TTC7B: variants seen among roughly 807,000 people sequenced by gnomAD.
The protein encoded by TTC7B is tetratricopeptide repeat protein 7B.
TTC7B carries 28 observed loss-of-function variants against 106.8 expected under a neutral mutation model. The observed-to-expected ratio is 0.26, with a 90% CI of 0.19 to 0.36. The LOEUF (loss-of-function observed/expected upper bound fraction) is 0.36, where lower values mean the gene tolerates loss of function less well. TTC7B is among the 10% of genes least tolerant of loss of function. TTC7B has a pLI of 1.00. For synonymous variants in TTC7B, 405 were observed against 430.6 expected (o/e 0.94, Z 0.74); for missense variants, 862 against 1,076.4 (o/e 0.80, Z 2.79).
intron 19 of TTC7B, among the ~76,000 whole-genome samples, chr14:90,561,331 C>T (rs970300023): frequency 3.3e-5 from 5 of 152,192 alleles, no homozygotes; most frequent in Non-Finnish European, 7.3e-5. Flanking sequence ...GCATACTGTA[C>T]ATGTGTGCAC....
intron 10 of TTC7B, chr14:90,658,005 T>G: frequency 2.6e-6 from 1 of 379,942 alleles, no homozygotes; most frequent in Non-Finnish European, 4.9e-6. Context: ...AACTCTCAGA[T>G]GAGTGGAGGT....
chr14:90,639,091 A>C (rs914879719), intron 15 of TTC7B, among the ~76,000 whole-genome samples: 1 of 152,202 alleles, frequency 6.6e-6, no homozygotes, highest in African/African-American at 2.4e-5. Context: ...AAGATAGCAC[A>C]AGAGAGCTTT....
intron 19 of TTC7B, among the ~76,000 whole-genome samples, chr14:90,555,261 A>G (rs1046994947): frequency 1.3e-5 from 2 of 152,186 alleles, no homozygotes; most frequent in Non-Finnish European, 2.9e-5. Flanking sequence ...AGCTCCGAGG[A>G]CATGAGAGTG....
chr14:90,634,482 G>A (rs576853285), intron 15 of TTC7B, among the ~76,000 whole-genome samples: 2 of 152,124 alleles, frequency 1.3e-5, no homozygotes, highest in South Asian at 2.1e-4. Context: ...TATATAAGAA[G>A]AGAGGGAGGC....
At chr14:90,556,118 A>T (rs1890293548) in intron 19 of TTC7B, among the ~76,000 whole-genome samples, 1 of 152,228 alleles carries the variant, frequency 6.6e-6, no homozygotes, top group African/African-American at 2.4e-5. Flanking sequence ...ACGTAACATC[A>T]AAGGACAGTC....
chr14:90,788,914 G>T (rs12882023), intron 1 of TTC7B, among the ~76,000 whole-genome samples: 2 of 151,158 alleles, frequency 1.3e-5, no homozygotes, highest in African/African-American at 4.9e-5. Flanking sequence ...AGTGAGCCAA[G>T]ATCATGCCAC....
At position 90,811,950 on chromosome 14, in the gene TTC7B, G is replaced by A. The variant is rs142868112; in HGVS notation, c.121+4225C>T. Among the ~76,000 whole-genome samples the A allele has an allele frequency of 3.3e-3, 501 of 152,266 alleles. 6 individuals are homozygous for A. The highest frequency in any genetic ancestry group is 0.011 in the African/African-American group (471 of 41,558). ...ATTGCAATAGGTGGGAGTCTTGACC[G>A]GGCACTAGCTCAACTGTGTCATTTC... is the stretch of plus-strand genomic sequence containing the variant. On this transcript the variant is annotated intron_variant, in intron 1 of 19. Coordinates refer to ENST00000328459, the MANE Select transcript of TTC7B (RefSeq NM_001010854.2).
chr14:90,816,150 C>A, intron 1 of TTC7B, 25 bp downstream of exon 1: 1 of 1,191,852 alleles, frequency 8.4e-7, no homozygotes. Context: ...CCCCCGCAGC[C>A]CAGGCCGGCG....
chr14:90,796,910 C>T (rs2029910261), intron 1 of TTC7B, among the ~76,000 whole-genome samples: 1 of 151,110 alleles, frequency 6.6e-6, no homozygotes, highest in Non-Finnish European at 1.5e-5. Flanking sequence ...TGCAGTGGCA[C>T]AATCTCAGCC....
At chr14:90,726,109 A>G (rs921344033) in intron 5 of TTC7B, among the ~76,000 whole-genome samples, 1 of 152,186 alleles carries the variant, frequency 6.6e-6, no homozygotes, top group African/African-American at 2.4e-5. Flanking sequence ...TTGACTCTAC[A>G]AAGAGGTAAA....
At chr14:90,725,460 G>T (rs981966646) in intron 5 of TTC7B, among the ~76,000 whole-genome samples, 2 of 152,232 alleles carry the variant, frequency 1.3e-5, no homozygotes, top group African/African-American at 4.8e-5. Flanking sequence ...GTTACACTGA[G>T]CAGGGCTAAA....
Position 90,539,216 on chromosome 14 carries a change from C to T in TTC7B, c.*2152G>A, listed in dbSNP as rs17126875. ...GGAGATGAAGACAATGGAGAGGTGC[C>T]GGGCAGACACACAGGAGCCAGCCCC... On this transcript the variant is annotated 3_prime_UTR_variant, in exon 20 of 20. Coordinates refer to ENST00000328459, the MANE Select transcript of TTC7B (RefSeq NM_001010854.2). 0.047 allele frequency: 7,148 copies of T among 152,500 alleles called. 253 individuals are homozygous for T. Among genetic ancestry groups the T allele is most frequent in the Non-Finnish European group, 0.072 (4,926 of 68,230 alleles). 9.4% of individuals were successfully genotyped at this position (152,500 alleles called of 1,614,324 possible).
intron 14 of TTC7B, chr14:90,644,860 T>C (rs1300582766): frequency 6.6e-6 from 1 of 152,208 alleles, no homozygotes; most frequent in Admixed American, 6.5e-5. Context: ...GAGAAACAAA[T>C]TGCAATGCCG....
rs555970336 is a variant in TTC7B at position 90,578,615 on chromosome 14, G to A, written c.2108-307C>T. 6.6e-6 allele frequency among the ~76,000 whole-genome samples: 1 copy of A among 152,014 alleles called. No homozygotes were observed. The highest frequency in any genetic ancestry group is 1.5e-5 in the Non-Finnish European group (1 of 68,016). ...CACCCACCCTCAGGGCCCACCCGGG[G>A]CTCCTCAGTGTCTGGACAGAGGCTG... On this transcript the variant is annotated intron_variant, in intron 18 of 19. Transcript: ENST00000328459. This position sits in a 1 kb window ranked among gnomAD's most constrained non-coding sequence, Gnocchi z 4.7.
rs1261807903 is a variant in TTC7B, at chr14:90,531,836, T to C, written c.*9532A>G. The C allele has an allele frequency of 6.6e-6, 1 of 152,186 alleles. No individual in the cohort carries two copies. Among genetic ancestry groups the C allele is most frequent in the African/African-American group, 2.4e-5 (1 of 41,432 alleles). The allele number at this position is 152,186 out of a possible 1,614,324, so 9.4% of individuals were successfully genotyped here. A position where few individuals can be genotyped will look rare whatever the true frequency, so the allele number is the denominator to read the frequency against. Reference sequence around the variant, plus strand: ...AATCTGAAAACACTGGACTGAAAAGTCTCATTGTGTCTGAGCTCTGCCCCT... The same window carrying C: ...AATCTGAAAACACTGGACTGAAAAGCCTCATTGTGTCTGAGCTCTGCCCCT... On this transcript the variant is annotated 3_prime_UTR_variant, in exon 20 of 20. Coordinates refer to ENST00000328459, the MANE Select transcript of TTC7B (RefSeq NM_001010854.2).
intron 6 of TTC7B, among the ~76,000 whole-genome samples, chr14:90,689,926 G>A (rs1188364142): frequency 1.3e-5 from 2 of 152,122 alleles, no homozygotes; most frequent in East Asian, 1.9e-4. Flanking sequence ...CACTTAAAAG[G>A]TTCATGTACT....
intron 3 of TTC7B, among the ~76,000 whole-genome samples, chr14:90,751,689 CAA>C (rs774096422): frequency 3.9e-5 from 6 of 152,084 alleles, no homozygotes; most frequent in Admixed American, 2.0e-4. Context: ...CTTGGCCTCC[CAA>C]AGTGTTGGGA....
At chr14:90,719,419 C>G (rs761687199) in intron 5 of TTC7B, among the ~76,000 whole-genome samples, 19 of 152,210 alleles carry the variant, frequency 1.2e-4, no homozygotes, top group Non-Finnish European at 2.5e-4. Context: ...TAACTTGCAG[C>G]CAGACTGGGA....
chr14:90,815,208 C>CGGTGTGCT (rs1033183967), intron 1 of TTC7B, among the ~76,000 whole-genome samples: 2 of 152,196 alleles, frequency 1.3e-5, no homozygotes, highest in Admixed American at 1.3e-4. Flanking sequence ...CCTCTGGCCA[C>CGGTGTGCT]GGTGTGCTGG....
Sources: gnomAD v4.1 joint callset for allele counts (sites outside exome capture counted in the v4.1 genomes callset) on GRCh38, gnomAD v4.1.1 for gene constraint, Gnocchi (gnomAD v3.1) non-coding constraint, MANE v1.5 for transcripts, NCBI Gene and HGNC (gene_info 2026-07-23, HGNC 2026-07-21) for gene names.